The following DSCAML1 variants were observed in gnomAD, a reference collection of about 807,000 sequenced individuals.
DSCAML1 encodes the protein DS cell adhesion molecule like 1, also known as cell adhesion molecule DSCAML1.
In DSCAML1, 38 loss-of-function variants were observed where a neutral mutation model predicts 200.5. The observed-to-expected ratio is 0.19, with a 90% CI of 0.15 to 0.25. The LOEUF (loss-of-function observed/expected upper bound fraction) is 0.25, where lower values mean the gene tolerates loss of function less well. Among genes scored for constraint, DSCAML1 ranks in the 10% least tolerant of loss-of-function variants. DSCAML1 has a pLI of 1.00. For missense variants in DSCAML1, 2,223 were observed against 2,858.8 expected, an observed-to-expected ratio of 0.78 and a Z score of 5.07; for synonymous variants, 1,215 against 1,165.0, an observed-to-expected ratio of 1.04 and a Z score of -0.87.
chr11:117,629,503 A>C (rs1350951364), intron 3 of DSCAML1, among the ~76,000 whole-genome samples: 1 of 147,038 alleles, frequency 6.8e-6, no homozygotes, highest in African/African-American at 2.4e-5. Flanking sequence ...AGCAGCAGAC[A>C]AGGGGGCCTG....
At chr11:117,651,024 T>C (rs1202761699) in intron 3 of DSCAML1, among the ~76,000 whole-genome samples, 1 of 152,232 alleles carries the variant, frequency 6.6e-6, no homozygotes, top group Non-Finnish European at 1.5e-5. Flanking sequence ...CTTTGTAGCC[T>C]GGAAAGCAAC....
At chr11:117,709,618 T>C (rs1178373463) in intron 3 of DSCAML1, 2 of 441,792 alleles carry the variant, frequency 4.5e-6, no homozygotes, top group African/African-American at 4.1e-5. Flanking sequence ...CCCCATTGCA[T>C]GGGGAGGTGC....
intron 3 of DSCAML1, among the ~76,000 whole-genome samples, chr11:117,717,485 C>T (rs1000646702): frequency 7.9e-5 from 12 of 152,214 alleles, no homozygotes; most frequent in Non-Finnish European, 1.3e-4. Flanking sequence ...AACTGACTGG[C>T]GGTGGCTTCC....
chr11:117,516,844 C>T lies in DSCAML1; in HGVS notation c.1511-105G>A. The T allele has an allele frequency of 7.2e-7, 1 of 1,392,198 alleles. No individual in the cohort carries two copies. The allele number at this position is 1,392,198 out of a possible 1,614,324, so 86.2% of individuals were successfully genotyped here. A position where few individuals can be genotyped will look rare whatever the true frequency, so the allele number is the denominator to read the frequency against. ...GCGGTGCTCTTCTCAGGCACTCGGC[C>T]CCTGAGACTTTCGGGGGCGGACATT... On this transcript the variant is annotated intron_variant, in intron 7 of 32. Transcript: ENST00000651296. This position sits in a 1 kb window ranked among gnomAD's most constrained non-coding sequence, Gnocchi z 5.7.
At chr11:117,760,080 C>G (rs2054773055) in intron 3 of DSCAML1, among the ~76,000 whole-genome samples, 1 of 152,164 alleles carries the variant, frequency 6.6e-6, no homozygotes, top group Non-Finnish European at 1.5e-5. Flanking sequence ...TATCTCCGCA[C>G]TCCCATTCCC....
At chr11:117,576,268 T>C (rs942676386) in intron 3 of DSCAML1, among the ~76,000 whole-genome samples, 3 of 152,056 alleles carry the variant, frequency 2.0e-5, no homozygotes, top group Non-Finnish European at 4.4e-5. Context: ...ACTGACTCCA[T>C]GTGGATGGAT....
chr11:117,555,747 C>T (rs545197299), intron 3 of DSCAML1, among the ~76,000 whole-genome samples: 1 of 151,958 alleles, frequency 6.6e-6, no homozygotes, highest in Admixed American at 6.6e-5. Flanking sequence ...TGCCTTTTAG[C>T]CTGTGCATAG....
chr11:117,582,247 G>A (rs916743576), intron 3 of DSCAML1, among the ~76,000 whole-genome samples: 1 of 152,204 alleles, frequency 6.6e-6, no homozygotes, highest in Non-Finnish European at 1.5e-5. Context: ...AAGTCCAGAG[G>A]GACCTGGGAT....
chr11:117,793,362 A>G (rs762236739), intron 1 of DSCAML1, among the ~76,000 whole-genome samples: 6 of 152,178 alleles, frequency 3.9e-5, no homozygotes, highest in Non-Finnish European at 8.8e-5. Flanking sequence ...GGAGGAGGGA[A>G]GAAGCTCGCA....
intron 23 of DSCAML1, 40 bp downstream of exon 23, chr11:117,439,226 C>T (rs765833704): frequency 8.1e-6 from 13 of 1,608,768 alleles, no homozygotes; most frequent in Non-Finnish European, 1.1e-5. Context: ...TTTCTCCATC[C>T]CTGTCCCCAC....
At chr11:117,667,050 G>A (rs1381199122) in intron 3 of DSCAML1, among the ~76,000 whole-genome samples, 1 of 152,190 alleles carries the variant, frequency 6.6e-6, no homozygotes, top group Non-Finnish European at 1.5e-5. Flanking sequence ...GGTCCAAGGA[G>A]CAACACCCAG....
rs1480568315 is a variant in DSCAML1 at position 117,480,472 on chromosome 11, C to T, written c.2756G>A (p.Gly919Asp). Reference protein sequence around the residue: ...QRFDGNSIITGFDIEYKNKSD... With the variant: ...QRFDGNSIITDFDIEYKNKSD... Reference sequence around the variant, plus strand: ...TTTGTTCTTGTATTCAATGTCGAAGCCCGTGATGATGCTGTTCCCGTCGAA... The same window carrying T: ...TTTGTTCTTGTATTCAATGTCGAAGTCCGTGATGATGCTGTTCCCGTCGAA... Residue 919 changes from glycine (G) to aspartate (D), a missense_variant, in exon 14 of 33, where the codon GGC becomes GAC. By Grantham distance (94) the Gly-to-Asp change is moderately conservative (BLOSUM62 -1). This residue lies in a region of DSCAML1 where 438 missense variants were observed against 629.7 expected (regional missense o/e 0.70). Transcript: ENST00000651296. The surrounding 1 kb of genome is among the most constrained non-coding windows in gnomAD (Gnocchi z 4.1). 2 of 1,613,476 alleles carry T rather than the reference C, an allele frequency of 1.2e-6. No homozygotes were observed. Among genetic ancestry groups the T allele is most frequent in the African/African-American group, 2.7e-5 (2 of 74,924 alleles).
intron 3 of DSCAML1, among the ~76,000 whole-genome samples, chr11:117,667,085 C>T (rs2052993359): frequency 6.6e-6 from 1 of 152,130 alleles, no homozygotes; most frequent in African/African-American, 2.4e-5. Flanking sequence ...CTGGCAGGCT[C>T]AGGTGGGACA....
chr11:117,762,056 C>T (rs747989266), intron 3 of DSCAML1, among the ~76,000 whole-genome samples: 14 of 152,084 alleles, frequency 9.2e-5, no homozygotes, highest in African/African-American at 1.7e-4. Context: ...TCACTCCACG[C>T]GGCAGGATCT....
At chr11:117,811,041 C>T (rs1591527360) in intron 1 of DSCAML1, among the ~76,000 whole-genome samples, 1 of 152,074 alleles carries the variant, frequency 6.6e-6, no homozygotes, top group Admixed American at 6.5e-5. Context: ...ATCGCCTCTC[C>T]TCCTCACACC....
At chr11:117,438,643 G>A (rs1592574547) in intron 24 of DSCAML1, among the ~76,000 whole-genome samples, 1 of 152,300 alleles carries the variant, frequency 6.6e-6, no homozygotes, top group East Asian at 1.9e-4. Flanking sequence ...CTCAGAGAGG[G>A]AAACAGCCTA....
Position 117,432,427 on chromosome 11 carries a change from C to A in DSCAML1, c.5104G>T (p.Val1702Phe), listed in dbSNP as rs147907435. The change falls in exon 30 of 33, where the codon GTC (valine) becomes TTC (phenylalanine). Residue 1702 changes from valine (V) to phenylalanine (F), a missense_variant. Val to Phe is a conservative substitution (Grantham distance 50). Transcript: ENST00000651296. ...AVNPQSFCTG[V>F]SLHHPTLIQS... ...ATGAGGGTTGGGTGGTGCAAGGAGA[C>A]GCCAGTACAGAAGCTCTGTGGGTTG... 1 of 1,614,132 alleles carries A rather than the reference C, an allele frequency of 6.2e-7. No individual in the cohort carries two copies. Among genetic ancestry groups the A allele is most frequent in the East Asian group, 2.2e-5 (1 of 44,880 alleles).
At chr11:117,549,993 C>T (rs993056801) in intron 3 of DSCAML1, among the ~76,000 whole-genome samples, 1 of 152,170 alleles carries the variant, frequency 6.6e-6, no homozygotes, top group African/African-American at 2.4e-5. Flanking sequence ...CATGCACCAA[C>T]CTTTCCACAC....
chr11:117,467,638 T>A (rs1291581749), intron 16 of DSCAML1, among the ~76,000 whole-genome samples: 1 of 151,182 alleles, frequency 6.6e-6, no homozygotes, highest in African/African-American at 2.4e-5. Flanking sequence ...TGTGTGTGTG[T>A]TTAATTGACT....
Sources: allele counts gnomAD v4.1 joint callset (sites outside exome capture counted in the v4.1 genomes callset), GRCh38; gene constraint gnomAD v4.1.1; regional missense constraint gnomAD v4.1.1; non-coding constraint Gnocchi (gnomAD v3.1); transcripts MANE v1.5; gene names NCBI Gene and HGNC (gene_info 2026-07-23, HGNC 2026-07-21).